Variants in TXNRD1 observed in about 807,000 individuals in gnomAD.
TXNRD1 encodes thioredoxin reductase 1.
TXNRD1 carries 57 observed loss-of-function variants against 80.3 expected under a neutral mutation model. The ratio of observed to expected loss-of-function variants is 0.71; its 90% CI spans 0.57 to 0.89. TXNRD1 has a LOEUF of 0.89. Ranked by LOEUF, TXNRD1 falls within the 40% of genes least tolerant of loss-of-function variation. The probability of loss-of-function intolerance (pLI) is 0.00; values close to 1 mark genes in which losing one functional copy is unlikely to be tolerated. For missense variants in TXNRD1, 730 were observed against 803.0 expected, an observed-to-expected ratio of 0.91 and a Z score of 1.10; for synonymous variants, 291 against 285.2, an observed-to-expected ratio of 1.02 and a Z score of -0.20.
intron 1 of TXNRD1, among the ~76,000 whole-genome samples, chr12:104,247,626 C>G (rs937812964): frequency 2.0e-5 from 3 of 152,162 alleles, no homozygotes; most frequent in African/African-American, 7.2e-5. Context: ...ATCTTTCCAT[C>G]TATTTGTACA....
intron 4 of TXNRD1, chr12:104,303,608 G>T (rs983273063): frequency 3.4e-5 from 11 of 320,092 alleles, no homozygotes; most frequent in Non-Finnish European, 6.2e-5. Context: ...GCCCATCATT[G>T]CGCGTGTTGG....
intron 1 of TXNRD1, among the ~76,000 whole-genome samples, chr12:104,237,269 G>A (rs1347459480): frequency 2.0e-5 from 3 of 152,166 alleles, no homozygotes; most frequent in Non-Finnish European, 4.4e-5. Context: ...GCTAATAGTA[G>A]TTATAAATCA....
At chr12:104,266,076 A>G (rs967106665) in intron 3 of TXNRD1, among the ~76,000 whole-genome samples, 1 of 152,134 alleles carries the variant, frequency 6.6e-6, no homozygotes, top group Non-Finnish European at 1.5e-5. Context: ...ATGAGGCACA[A>G]TATTTTTTCC....
intron 3 of TXNRD1, chr12:104,265,250 TA>T (rs34903847): frequency 0.29 from 341,825 of 1,195,624 alleles, 20,383 homozygotes; most frequent in Non-Finnish European, 0.31. Flanking sequence ...GACTCCGTCT[TA>T]AAAAAAAAAA....
In TXNRD1 at chr12:104,307,172, C is replaced by T. The variant is rs554572804; in HGVS notation, c.415-4118C>T. Reference sequence around the variant, plus strand: ...TTTTGAAATTAAACTGACTGCTTACCTTGAAGAAAAAAGGAGATTAAAAAT... The same window carrying T: ...TTTTGAAATTAAACTGACTGCTTACTTTGAAGAAAAAAGGAGATTAAAAAT... On this transcript the variant is annotated intron_variant, in intron 4 of 16. Transcript: ENST00000525566. 1.9e-4 allele frequency among the ~76,000 whole-genome samples: 29 copies of T among 152,164 alleles called. 1 individual carries two copies. The South Asian group carries it at 5.8e-3, about 31-fold the overall frequency.
intron 4 of TXNRD1, 100 bp downstream of exon 4, chr12:104,289,140 A>C: frequency 7.1e-7 from 1 of 1,407,324 alleles, no homozygotes; most frequent in South Asian, 1.4e-5. Flanking sequence ...GTGACCCTCC[A>C]AACGGGACGC....
intron 6 of TXNRD1, among the ~76,000 whole-genome samples, chr12:104,314,667 C>A (rs542159668): frequency 6.6e-6 from 1 of 151,740 alleles, no homozygotes; most frequent in African/African-American, 2.4e-5. Flanking sequence ...AGTCATGCAT[C>A]CTTTAAAAAA....
chr12:104,228,150 A>C (rs1410475773), intron 1 of TXNRD1, among the ~76,000 whole-genome samples: 1 of 151,964 alleles, frequency 6.6e-6, no homozygotes, highest in African/African-American at 2.4e-5. Context: ...TAAAAATATA[A>C]AATTAGCTGG....
chr12:104,268,162 T>G (rs2033574738), intron 3 of TXNRD1, among the ~76,000 whole-genome samples: 1 of 144,736 alleles, frequency 6.9e-6, no homozygotes. Context: ...GGCCCCTTCC[T>G]CTTTCTCTCT....
rs1212326091 is a variant in TXNRD1 at position 104,349,626 on chromosome 12, G to T, written c.*1205G>T. The T allele has an allele frequency of 1.3e-5, 2 of 152,580 alleles. No homozygotes were observed. The highest frequency in any genetic ancestry group is 4.8e-5 in the African/African-American group (2 of 41,446). 9.5% of individuals were successfully genotyped at this position (152,580 alleles called of 1,614,324 possible). On this transcript the variant is annotated 3_prime_UTR_variant, in exon 17 of 17. Coordinates refer to ENST00000525566, the MANE Select transcript of TXNRD1 (RefSeq NM_001093771.3). ...ATTTCAACTTGCATTATTATAAAGA[G>T]GTATTAATGCCTCAGTTATGTGTTT...
intron 4 of TXNRD1, chr12:104,303,807 T>C: frequency 7.2e-7 from 1 of 1,383,068 alleles, no homozygotes; most frequent in Non-Finnish European, 9.5e-7. Flanking sequence ...ACCTCAGAGA[T>C]ACCCGTGGCC....
intron 1 of TXNRD1, among the ~76,000 whole-genome samples, chr12:104,245,393 G>A (rs901756600): frequency 2.7e-5 from 4 of 150,598 alleles, no homozygotes; most frequent in Non-Finnish European, 5.9e-5. Context: ...GGCACATGTC[G>A]GTAATCCCAG....
chr12:104,316,758 C>T (rs1476614121), intron 7 of TXNRD1, among the ~76,000 whole-genome samples: 1 of 152,174 alleles, frequency 6.6e-6, no homozygotes, highest in East Asian at 1.9e-4. Flanking sequence ...GCATAGCTTC[C>T]TGGCTAATTT....
At position 104,248,432 on chromosome 12, in the gene TXNRD1, G is replaced by A. The variant is rs561297253; in HGVS notation, c.92-3095G>A. Among the ~76,000 whole-genome samples, 15 of 152,190 alleles carry A rather than the reference G, an allele frequency of 9.9e-5. 1 individual carries two copies. Among genetic ancestry groups the A allele is most frequent in the Middle Eastern group, 6.8e-3 (2 of 294 alleles). ...CCCAAGTAGCTGGGATTACAGGCGC[G>A]TGCCACAACACCCAGCTAATTTTCG... On this transcript the variant is annotated intron_variant, in intron 1 of 16. Coordinates refer to ENST00000525566, the MANE Select transcript of TXNRD1 (RefSeq NM_001093771.3).
intron 3 of TXNRD1, among the ~76,000 whole-genome samples, chr12:104,269,085 A>G (rs1035441394): frequency 1.9e-4 from 29 of 151,042 alleles, no homozygotes; most frequent in Admixed American, 1.3e-4. Flanking sequence ...TTGTATTTTT[A>G]GTAGAGATGG....
intron 16 of TXNRD1, among the ~76,000 whole-genome samples, chr12:104,345,063 ATGTT>A (rs2036447751): frequency 6.6e-6 from 1 of 152,230 alleles, no homozygotes; most frequent in Non-Finnish European, 1.5e-5. Context: ...GGTCCACAGA[ATGTT>A]TGTTATTAGT....
At chr12:104,333,809 A>G (rs1013526457) in intron 14 of TXNRD1, among the ~76,000 whole-genome samples, 1 of 152,084 alleles carries the variant, frequency 6.6e-6, no homozygotes, top group Non-Finnish European at 1.5e-5. Context: ...TTTTGGAAGC[A>G]TTTAGCAAGA....
chr12:104,268,917 C>CTTTTTT (rs34134230), intron 3 of TXNRD1, among the ~76,000 whole-genome samples: 6 of 127,806 alleles, frequency 4.7e-5, no homozygotes, highest in Admixed American at 8.2e-5. Flanking sequence ...GTTGTCATTT[C>CTTTTTT]TTTTTTTTTT....
intron 1 of TXNRD1, among the ~76,000 whole-genome samples, chr12:104,244,995 T>G (rs4406890): frequency 0.78 from 118,866 of 152,112 alleles, 46,809 homozygotes; most frequent in East Asian, 0.87. Flanking sequence ...TGTGGCCTGT[T>G]TTGTTCCACT....
Sources: allele counts gnomAD v4.1 joint callset (sites outside exome capture counted in the v4.1 genomes callset), GRCh38; gene constraint gnomAD v4.1.1; transcripts MANE v1.5; gene names NCBI Gene and HGNC (gene_info 2026-07-23, HGNC 2026-07-21).